The following GRK5 variants were observed in gnomAD, a reference collection of about 807,000 sequenced individuals.
The protein encoded by GRK5 is g protein-coupled receptor kinase GRK5.
Under a neutral mutation model 78.4 loss-of-function variants are expected in GRK5, and 40 were observed. The ratio of observed to expected loss-of-function variants is 0.51; its 90% CI spans 0.40 to 0.66. GRK5 has a LOEUF of 0.66. Among genes scored for constraint, GRK5 ranks in the 30% least tolerant of loss-of-function variants. The probability of loss-of-function intolerance (pLI) is 0.00; values close to 1 mark genes in which losing one functional copy is unlikely to be tolerated. For missense variants in GRK5, 598 were observed against 759.9 expected (o/e 0.79, Z 2.50); for synonymous variants, 289 against 296.8 (o/e 0.97, Z 0.27).
rs373115186 is a variant in GRK5 at position 119,363,279 on chromosome 10, C to CAA, written c.149-17522_149-17521dup. Among the ~76,000 whole-genome samples, 563 of 130,464 alleles carry CAA rather than the reference C, an allele frequency of 4.3e-3. 4 individuals carry two copies. The highest frequency in any genetic ancestry group is 0.021 in the South Asian group (87 of 4,170). 85.6% of individuals were successfully genotyped at this position (130,464 alleles called of 152,430 possible). On this transcript the variant is annotated intron_variant, in intron 2 of 15. Coordinates refer to ENST00000392870, the MANE Select transcript of GRK5 (RefSeq NM_005308.3). ...CTCGGCGACAAGAGTGAAACTGTCTCAAAAAAAAAAAAAAACAACAAACAG... is the reference window on the plus strand; with the variant it reads ...CTCGGCGACAAGAGTGAAACTGTCTCAAAAAAAAAAAAAAAAACAACAAACAG...
At chr10:119,224,412 ATTT>A (rs1848703129) in intron 1 of GRK5, among the ~76,000 whole-genome samples, 2 of 151,492 alleles carry the variant, frequency 1.3e-5, no homozygotes, top group African/African-American at 4.8e-5. Flanking sequence ...TTATTTATTT[ATTT>A]ATTTATTTAT....
intron 2 of GRK5, among the ~76,000 whole-genome samples, chr10:119,370,866 G>A (rs967481994): frequency 1.3e-5 from 2 of 151,176 alleles, no homozygotes; most frequent in Non-Finnish European, 2.9e-5. Context: ...ACAGCCCCCC[G>A]TAACCTGGTA....
At chr10:119,402,973 T>C (rs1852174108) in intron 4 of GRK5, among the ~76,000 whole-genome samples, 2 of 152,200 alleles carry the variant, frequency 1.3e-5, no homozygotes, top group Admixed American at 6.5e-5. Context: ...AGATTCAAAA[T>C]CTTATAACCA....
At chr10:119,208,090 G>A in intron 1 of GRK5, 121 bp downstream of exon 1, 2 of 872,528 alleles carry the variant, frequency 2.3e-6, no homozygotes, top group Non-Finnish European at 3.4e-6. Flanking sequence ...AGTGGGTCGC[G>A]AGCAGGACAC....
intron 1 of GRK5, among the ~76,000 whole-genome samples, chr10:119,251,555 G>A (rs147191908): frequency 3.9e-5 from 6 of 152,346 alleles, no homozygotes; most frequent in East Asian, 1.9e-4. Flanking sequence ...GACAGGCTGC[G>A]AACATTTATC....
intron 12 of GRK5, among the ~76,000 whole-genome samples, chr10:119,444,574 C>T (rs1182183171): frequency 6.6e-6 from 1 of 152,150 alleles, no homozygotes; most frequent in Non-Finnish European, 1.5e-5. Flanking sequence ...TCCTTATGGT[C>T]CCCAGCACAG....
intron 8 of GRK5, 127 bp from the exon 9 acceptor site, chr10:119,436,524 G>A: frequency 1.1e-6 from 1 of 902,188 alleles, no homozygotes; most frequent in South Asian, 1.6e-5. Context: ...GAGGCCATCT[G>A]GGTGCAGGGG....
At chr10:119,347,730 G>A (rs1564900082) in intron 2 of GRK5, among the ~76,000 whole-genome samples, 1 of 152,232 alleles carries the variant, frequency 6.6e-6, no homozygotes, top group Admixed American at 6.5e-5. Context: ...CCCGCACATC[G>A]TGCATGAGAA....
chr10:119,438,012 C>T (rs1014269282), intron 9 of GRK5, among the ~76,000 whole-genome samples: 9 of 152,170 alleles, frequency 5.9e-5, no homozygotes, highest in African/African-American at 1.4e-4. Flanking sequence ...GCTAAAGAAT[C>T]GCTTTAACCT....
intron 1 of GRK5, among the ~76,000 whole-genome samples, chr10:119,320,790 G>A (rs1423624992): frequency 2.0e-5 from 3 of 152,244 alleles, no homozygotes; most frequent in East Asian, 3.8e-4. Flanking sequence ...TGGGTGGTCA[G>A]GCCTGGGAAC....
chr10:119,397,609 A>C (rs1852077469), intron 4 of GRK5, among the ~76,000 whole-genome samples: 1 of 152,230 alleles, frequency 6.6e-6, no homozygotes, highest in African/African-American at 2.4e-5. Context: ...CTGTGGGCCA[A>C]CCAGCTCCCC....
chr10:119,281,541 T>C (rs1849762325), intron 1 of GRK5, among the ~76,000 whole-genome samples: 1 of 152,196 alleles, frequency 6.6e-6, no homozygotes, highest in Non-Finnish European at 1.5e-5. Flanking sequence ...CCACACAGCC[T>C]GTATTTGAGC....
intron 1 of GRK5, among the ~76,000 whole-genome samples, chr10:119,250,723 T>C (rs747291790): frequency 2.6e-5 from 4 of 152,134 alleles, no homozygotes; most frequent in African/African-American, 4.8e-5. Flanking sequence ...ACACACAAAA[T>C]TGGAAGTGAA....
chr10:119,392,860 T>C (rs1314394544), intron 3 of GRK5, among the ~76,000 whole-genome samples: 1 of 152,228 alleles, frequency 6.6e-6, no homozygotes, highest in Non-Finnish European at 1.5e-5. Flanking sequence ...ATTGAAATCA[T>C]TGGCTGCTAT....
chr10:119,282,918 G>A (rs1485923989), intron 1 of GRK5, among the ~76,000 whole-genome samples: 1 of 152,234 alleles, frequency 6.6e-6, no homozygotes, highest in East Asian at 1.9e-4. Flanking sequence ...ATGCTGTGGA[G>A]TTCTCCAGGC....
chr10:119,207,653 T>G lies in GRK5; in HGVS notation c.-265T>G, dbSNP rs1166633074. The G allele has an allele frequency of 9.8e-4, 156 of 158,858 alleles. No individual in the cohort carries two copies. Among genetic ancestry groups the G allele is most frequent in the African/African-American group, 6.4e-3 (33 of 5,186 alleles). 9.8% of individuals were successfully genotyped at this position (158,858 alleles called of 1,614,324 possible). A position where few individuals can be genotyped will look rare whatever the true frequency, so the allele number is the denominator to read the frequency against. ...ACAGAGACACGCGGAGGGTGGGGGG[T>G]GGGGGGGAGCGTGTTGAGGGAGGGG... is the stretch of plus-strand genomic sequence containing the variant. On this transcript the variant is annotated 5_prime_UTR_variant, in exon 1 of 16. Coordinates refer to ENST00000392870, the MANE Select transcript of GRK5 (RefSeq NM_005308.3).
At position 119,412,143 on chromosome 10, in the gene GRK5, G is replaced by A. The variant is rs934532532; in HGVS notation, c.340-11023G>A. ...TGGGATTCCAGGCGTGAGCCACTGC[G>A]CCCGGCCTCAGATCCGCTTCTGATT... On this transcript the variant is annotated intron_variant, in intron 4 of 15. Transcript: ENST00000392870. The surrounding 1 kb of genome is among the most constrained non-coding windows in gnomAD (Gnocchi z 4.3). 6.6e-6 allele frequency among the ~76,000 whole-genome samples: 1 copy of A among 152,060 alleles called. No homozygotes were observed. Among genetic ancestry groups the A allele is most frequent in the Non-Finnish European group, 1.5e-5 (1 of 68,010 alleles).
intron 2 of GRK5, among the ~76,000 whole-genome samples, chr10:119,345,073 A>G (rs1042032483): frequency 6.6e-6 from 1 of 151,802 alleles, no homozygotes; most frequent in African/African-American, 2.4e-5. Context: ...GGTTCAAGCA[A>G]TTCTCCTGCC....
intron 1 of GRK5, among the ~76,000 whole-genome samples, chr10:119,259,099 C>G (rs911671352): frequency 4.3e-5 from 6 of 138,820 alleles, no homozygotes; most frequent in African/African-American, 1.6e-4. Flanking sequence ...GAGTCTCGCT[C>G]TTTCGCCCAG....
Sources: gnomAD v4.1 joint callset for allele counts (sites outside exome capture counted in the v4.1 genomes callset) on GRCh38, gnomAD v4.1.1 for gene constraint, Gnocchi (gnomAD v3.1) non-coding constraint, MANE v1.5 for transcripts, NCBI Gene and HGNC (gene_info 2026-07-23, HGNC 2026-07-21) for gene names.